The following CYP1B1 variants were observed in gnomAD, a reference collection of about 807,000 sequenced individuals.
CYP1B1 encodes the protein cytochrome P450 1B1.
In CYP1B1, 22 loss-of-function variants were observed where a neutral mutation model predicts 29.9. That is an observed-to-expected ratio of 0.74 (90% confidence interval 0.53 to 1.05). The LOEUF (loss-of-function observed/expected upper bound fraction) is 1.05, where lower values mean the gene tolerates loss of function less well. CYP1B1 is among the 50% of genes least tolerant of loss of function. The pLI is 0.00. For missense variants in CYP1B1, 883 were observed against 746.9 expected (o/e 1.18, Z -2.12); for synonymous variants, 375 against 320.0 (o/e 1.17, Z -1.83).
chr2:38,074,952 C>A lies in CYP1B1; in HGVS notation c.437G>T (p.Arg146Leu). The change falls in exon 2 of 3, where the codon CGC (arginine) becomes CTC (leucine). Residue 146 changes from arginine (R) to leucine (L), a missense_variant. Arg to Leu is a moderately radical substitution (Grantham distance 102). Transcript: ENST00000610745. ...HYSEHWKVQR[R>L]AAHSMMRNFF... is the part of the protein sequence containing the mutation. ...GTTGCGCATCATGCTGTGGGCTGCG[C>A]GCCGCTGCACCTTCCAGTGCTCCGA... The A allele has an allele frequency of 1.3e-6, 2 of 1,569,254 alleles. No homozygotes were observed. Among genetic ancestry groups the A allele is most frequent in the Non-Finnish European group, 1.7e-6 (2 of 1,165,236 alleles).
Position 38,068,927 on chromosome 2 carries a change from C to G in CYP1B1, c.*1795G>C. The G allele has an allele frequency of 4.4e-6, 1 of 228,678 alleles. No homozygotes were observed. The highest frequency in any genetic ancestry group is 8.7e-6 in the Non-Finnish European group (1 of 115,212). 14.2% of individuals were successfully genotyped at this position (228,678 alleles called of 1,614,324 possible). A position where few individuals can be genotyped will look rare whatever the true frequency, so the allele number is the denominator to read the frequency against. ...TCTCTTACCATCCCCCCACCCCACA[C>G]ACACATACACACAACTATCAAAAAC... is the stretch of plus-strand genomic sequence containing the variant. On this transcript the variant is annotated 3_prime_UTR_variant, in exon 3 of 3. Transcript: ENST00000610745.
In CYP1B1 at chr2:38,075,360, G is replaced by A. The variant is rs768554943; in HGVS notation, c.29C>T (p.Pro10Leu). 6.2e-7 allele frequency: 1 copy of A among 1,613,076 alleles called. No homozygotes were observed. Among genetic ancestry groups the A allele is most frequent in the Non-Finnish European group, 8.5e-7 (1 of 1,179,978 alleles). Residue 10 changes from proline (P) to leucine (L), a missense_variant, in exon 2 of 3, where the codon CCT becomes CTT. Physicochemically the swap from Pro to Leu is moderately conservative, Grantham distance 98. Coordinates refer to ENST00000610745, the MANE Select transcript of CYP1B1 (RefSeq NM_000104.4). MGTSLSPNDPWPLNPLSIQQ... is the reference protein window; with the variant it reads MGTSLSPNDLWPLNPLSIQQ... ...GATGGACAGCGGGTTTAGCGGCCAA[G>A]GGTCGTTCGGGCTGAGGCTGGTGCC...
rs1292241569 is a variant in CYP1B1, at chr2:38,070,665, T to A, written c.*57A>T. 4 of 1,493,846 alleles carry A rather than the reference T, an allele frequency of 2.7e-6. No individual in the cohort carries two copies. The highest frequency in any genetic ancestry group is 1.4e-5 in the African/African-American group (1 of 72,480). The allele number at this position is 1,493,846 out of a possible 1,614,324, so 92.5% of individuals were successfully genotyped here. On this transcript the variant is annotated 3_prime_UTR_variant, in exon 3 of 3. Transcript: ENST00000610745. ...GAGGAACTGGAAAAAAACTGAATTT[T>A]ACTCCTCATCTCCGAAGATGTGAAT... is the stretch of plus-strand genomic sequence containing the variant.
rs1319511362 is a variant in CYP1B1, at chr2:38,074,882, G to A, written c.507C>T (p.His169=). The A allele has an allele frequency of 1.3e-6, 2 of 1,555,826 alleles. No homozygotes were observed. The highest frequency in any genetic ancestry group is 8.7e-7 in the Non-Finnish European group (1 of 1,153,186). ...CCAGCTCGCGCGCCTCGCTCAGCAC[G>A]TGGCCCTCGAGGACTTGGCGGCTGC... ...QPRSRQVLEG[H]VLSEARELVA... is the part of the protein sequence containing the mutation. Residue 169 remains histidine, a synonymous_variant, in exon 2 of 3, where the codon CAC becomes CAT. Coordinates refer to ENST00000610745, the MANE Select transcript of CYP1B1 (RefSeq NM_000104.4).
At chr2:38,073,024 G>C (rs939128583) in intron 2 of CYP1B1, among the ~76,000 whole-genome samples, 1 of 152,222 alleles carries the variant, frequency 6.6e-6, no homozygotes, top group East Asian at 1.9e-4. Flanking sequence ...CGTTTCAAAA[G>C]TTAAAATGCC....
At position 38,070,892 on chromosome 2, in the gene CYP1B1, C is replaced by G. The variant is rs1682415169; in HGVS notation, c.1462G>C (p.Ala488Pro). 2.5e-6 allele frequency: 4 copies of G among 1,614,038 alleles called. No homozygotes were observed. The highest frequency in any genetic ancestry group is 3.4e-6 in the Non-Finnish European group (4 of 1,179,980). Residue 488 changes from alanine to proline, a missense_variant, in exon 3 of 3, where the codon GCT becomes CCT. Transcript: ENST00000610745. Reference sequence around the variant, plus strand: ...TTGGCCCTGAAATCGCACTGGTGAGCCAGGATGGAGATGAAGAGAAAAAGC... The same window carrying G: ...TTGGCCCTGAAATCGCACTGGTGAGGCAGGATGGAGATGAAGAGAAAAAGC... The part of the protein sequence containing the change: ...MQLFLFISIL[A>P]HQCDFRANPN...
At position 38,074,523 on chromosome 2, in the gene CYP1B1, G is replaced by C. The variant is rs1227745440; in HGVS notation, c.866C>G (p.Pro289Arg). 3 of 1,608,756 alleles carry C rather than the reference G, an allele frequency of 1.9e-6. No homozygotes were observed. The highest frequency in any genetic ancestry group is 2.5e-6 in the Non-Finnish European group (3 of 1,177,828). ...GATAAAGGCGTCCATCATGTCGCGG[G>C]GGGCGGCCCCGGGCCGAAGGCTTTC... The part of the protein sequence containing the change: ...HCESLRPGAA[P>R]RDMMDAFILS... Residue 289 changes from proline (P) to arginine (R), a missense_variant, in exon 2 of 3, where the codon CCC becomes CGC. By Grantham distance (103) the Pro-to-Arg change is moderately radical. Coordinates refer to ENST00000610745, the MANE Select transcript of CYP1B1 (RefSeq NM_000104.4).
At chr2:38,075,476 TG>T in intron 1 of CYP1B1, 87 bp from the exon 2 acceptor site, 2 of 1,357,830 alleles carry the variant, frequency 1.5e-6, no homozygotes, top group Non-Finnish European at 2.1e-6. Flanking sequence ...CTCTGGGGAC[TG>T]AGTGCCGTTG....
In CYP1B1 at chr2:38,074,951, G is replaced by T; in HGVS notation, c.438C>A (p.Arg146=). Residue 146 remains arginine, a synonymous_variant, in exon 2 of 3, where the codon CGC becomes CGA. Coordinates refer to ENST00000610745, the MANE Select transcript of CYP1B1 (RefSeq NM_000104.4). ...AGTTGCGCATCATGCTGTGGGCTGC[G>T]CGCCGCTGCACCTTCCAGTGCTCCG... The part of the protein sequence containing the change: ...HYSEHWKVQR[R]AAHSMMRNFF... The T allele has an allele frequency of 5.7e-6, 9 of 1,568,776 alleles. No homozygotes were observed. Among genetic ancestry groups the T allele is most frequent in the South Asian group, 2.3e-5 (2 of 86,992 alleles).
chr2:38,071,277 T>C lies in CYP1B1; in HGVS notation c.1077A>G (p.Glu359=). The C allele has an allele frequency of 1.2e-6, 2 of 1,613,122 alleles. No homozygotes were observed. Among genetic ancestry groups the C allele is most frequent in the Non-Finnish European group, 1.7e-6 (2 of 1,180,046 alleles). The change falls in exon 3 of 3, where the codon GAA becomes GAG. Residue 359 remains glutamate, a synonymous_variant. Transcript: ENST00000610745. Reference sequence around the variant, plus strand: ...GGTCCCTCCCCACGACCTGATCCAATTCTGCCTGCACTCGAGTCTGCACAT... The same window carrying C: ...GGTCCCTCCCCACGACCTGATCCAACTCTGCCTGCACTCGAGTCTGCACAT... The part of the protein sequence containing the change: ...YPDVQTRVQA[E]LDQVVGRDRL...
At position 38,075,222 on chromosome 2, in the gene CYP1B1, G is replaced by A. The variant is rs767431610; in HGVS notation, c.167C>T (p.Ala56Val). 7 of 1,583,474 alleles carry A rather than the reference G, an allele frequency of 4.4e-6. No homozygotes were observed. In the South Asian group the frequency reaches 6.8e-5, roughly 15 times the overall value. The change falls in exon 2 of 3, where the codon GCG becomes GTG. Residue 56 changes from alanine to valine, a missense_variant. Physicochemically the swap from Ala to Val is moderately conservative, Grantham distance 64. Coordinates refer to ENST00000610745, the MANE Select transcript of CYP1B1 (RefSeq NM_000104.4). ...CGCCGCGTTTCCGATCAGTGGCCACGCAAACGGGCCCGGGGGCGCGGACCG... is the reference window on the plus strand; with the variant it reads ...CGCCGCGTTTCCGATCAGTGGCCACACAAACGGGCCCGGGGGCGCGGACCG... ...QLRSAPPGPF[A>V]WPLIGNAAAV...
Position 38,075,163 on chromosome 2 carries a change from G to T in CYP1B1, c.226C>A (p.Arg76Ser), listed in dbSNP as rs377210850. The stretch of plus-strand genomic sequence containing the variant: ...ACGTCGCCGTAGCGCCGCGCCAGGC[G>T]AGCGAACGAGAGGTGAGCCGCCTGG... ...VGQAAHLSFA[R>S]LARRYGDVFQ... The change falls in exon 2 of 3, where the codon CGC becomes AGC. Residue 76 changes from arginine (R) to serine (S), a missense_variant. By Grantham distance (110) the Arg-to-Ser change is moderately radical. Transcript: ENST00000610745. 1.3e-4 allele frequency: 204 copies of T among 1,570,048 alleles called. No homozygotes were observed. Among genetic ancestry groups the T allele is most frequent in the Non-Finnish European group, 1.7e-4 (193 of 1,165,546 alleles).
Position 38,069,074 on chromosome 2 carries a change from T to G in CYP1B1, c.*1648A>C. On this transcript the variant is annotated 3_prime_UTR_variant, in exon 3 of 3. Coordinates refer to ENST00000610745, the MANE Select transcript of CYP1B1 (RefSeq NM_000104.4). ...TTTAATTGCAATGAACTTTAAAACT[T>G]GAAACTTCAATTCACTTTTCTAAAT... 2 of 225,482 alleles carry G rather than the reference T, an allele frequency of 8.9e-6. No homozygotes were observed. The highest frequency in any genetic ancestry group is 1.8e-5 in the Non-Finnish European group (2 of 113,132). 14.0% of individuals were successfully genotyped at this position (225,482 alleles called of 1,614,324 possible). A position where few individuals can be genotyped will look rare whatever the true frequency, so the allele number is the denominator to read the frequency against.
Position 38,075,228 on chromosome 2 carries a change from G to T in CYP1B1, c.161C>A (p.Pro54Gln). The T allele has an allele frequency of 6.3e-7, 1 of 1,585,610 alleles. No homozygotes were observed. ...GTTTCCGATCAGTGGCCACGCAAAC[G>T]GGCCCGGGGGCGCGGACCGGAGCTG... ...RRQLRSAPPG[P>Q]FAWPLIGNAA... Residue 54 changes from proline (P) to glutamine (Q), a missense_variant, in exon 2 of 3, where the codon CCG becomes CAG. Coordinates refer to ENST00000610745, the MANE Select transcript of CYP1B1 (RefSeq NM_000104.4).
intron 2 of CYP1B1, among the ~76,000 whole-genome samples, chr2:38,072,707 G>A (rs929934750): frequency 5.3e-5 from 8 of 152,224 alleles, no homozygotes; most frequent in Admixed American, 6.5e-5. Context: ...GGGAGAGCCA[G>A]AGAGTATCTA....
Position 38,075,188 on chromosome 2 carries a change from G to A in CYP1B1, c.201C>T (p.Gly67=), listed in dbSNP as rs1234792239. The A allele has an allele frequency of 1.3e-6, 2 of 1,565,326 alleles. No homozygotes were observed. The highest frequency in any genetic ancestry group is 1.8e-5 in the Admixed American group (1 of 54,240). ...WPLIGNAAAV[G]QAAHLSFARL... is the part of the protein sequence containing the mutation. ...GAGCGAACGAGAGGTGAGCCGCCTG[G>A]CCCACCGCCGCCGCGTTTCCGATCA... Residue 67 remains glycine, a synonymous_variant, in exon 2 of 3, where the codon GGC becomes GGT. Coordinates refer to ENST00000610745, the MANE Select transcript of CYP1B1 (RefSeq NM_000104.4).
chr2:38,072,254 G>T (rs918637505), intron 2 of CYP1B1, among the ~76,000 whole-genome samples: 18 of 152,274 alleles, frequency 1.2e-4, no homozygotes, highest in African/African-American at 4.3e-4. Context: ...CAGGCATGGT[G>T]GTACACGCCT....
rs2125314530 is a variant in CYP1B1 at position 38,070,668 on chromosome 2, T to C, written c.*54A>G. 6.7e-7 allele frequency: 1 copy of C among 1,502,300 alleles called. No individual in the cohort carries two copies. Among genetic ancestry groups the C allele is most frequent in the Non-Finnish European group, 9.3e-7 (1 of 1,078,566 alleles). The allele number at this position is 1,502,300 out of a possible 1,614,324, so 93.1% of individuals were successfully genotyped here. On this transcript the variant is annotated 3_prime_UTR_variant, in exon 3 of 3. Transcript: ENST00000610745. ...GAACTGGAAAAAAACTGAATTTTAC[T>C]CCTCATCTCCGAAGATGTGAATATT...
At position 38,071,108 on chromosome 2, in the gene CYP1B1, T is replaced by C. The variant is rs1003079068; in HGVS notation, c.1246A>G (p.Lys416Glu). ...TGGTTGACAAAAACCACAGTGTCCTTGGGAATGTGGTAGCCCAAGACAGAG... is the reference window on the plus strand; with the variant it reads ...TGGTTGACAAAAACCACAGTGTCCTCGGGAATGTGGTAGCCCAAGACAGAG... The part of the protein sequence containing the change: ...NTSVLGYHIP[K>E]DTVVFVNQWS... The change falls in exon 3 of 3, where the codon AAG (lysine) becomes GAG (glutamate). Residue 416 changes from lysine (K) to glutamate (E), a missense_variant. Physicochemically the swap from Lys to Glu is moderately conservative, Grantham distance 56. Transcript: ENST00000610745. The C allele has an allele frequency of 2.5e-6, 4 of 1,613,054 alleles. No individual in the cohort carries two copies. Among genetic ancestry groups the C allele is most frequent in the Non-Finnish European group, 3.4e-6 (4 of 1,179,184 alleles).
Sources: allele counts gnomAD v4.1 joint callset (sites outside exome capture counted in the v4.1 genomes callset), GRCh38; gene constraint gnomAD v4.1.1; transcripts MANE v1.5; gene names NCBI Gene and HGNC (gene_info 2026-07-23, HGNC 2026-07-21).